Variants in ENTPD7 observed in about 807,000 individuals in gnomAD.
ENTPD7 encodes NTPDase 7.
ENTPD7 carries 53 observed loss-of-function variants against 77.9 expected under a neutral mutation model. The ratio of observed to expected loss-of-function variants is 0.68; its 90% CI spans 0.55 to 0.85. The LOEUF is 0.85. Among genes scored for constraint, ENTPD7 ranks in the 40% least tolerant of loss-of-function variants. The pLI is 0.00. For synonymous variants in ENTPD7, 248 were observed against 274.9 expected, an observed-to-expected ratio of 0.90 and a Z score of 0.97; for missense variants, 636 against 743.7, an observed-to-expected ratio of 0.86 and a Z score of 1.68.
At chr10:99,686,358 C>T (rs908834843) in intron 6 of ENTPD7, among the ~76,000 whole-genome samples, 2 of 152,044 alleles carry the variant, frequency 1.3e-5, no homozygotes, top group Non-Finnish European at 2.9e-5. Context: ...ATTGATAATT[C>T]CCTGGAATCT....
chr10:99,664,648 A>T (rs1478426114), intron 3 of ENTPD7, among the ~76,000 whole-genome samples: 1 of 150,222 alleles, frequency 6.7e-6, no homozygotes, highest in Non-Finnish European at 1.5e-5. Context: ...ATGGGGTTTC[A>T]CTGTGTTAGC....
chr10:99,659,623 A>T lies in ENTPD7; in HGVS notation c.-96+35A>T, dbSNP rs3740080. The stretch of plus-strand genomic sequence containing the variant: ...GGCGCGAGAGGGCTGTGGGACCCGG[A>T]GGGACGGGGAGAGGAAGCGGGACCC... On this transcript the variant is annotated intron_variant, in intron 1 of 12. Coordinates refer to ENST00000370489, the MANE Select transcript of ENTPD7 (RefSeq NM_020354.5). The surrounding 1 kb of genome is among the most constrained non-coding windows in gnomAD (Gnocchi z 4.1). 0.43 allele frequency: 95,749 copies of T among 222,180 alleles called. 21,627 individuals carry two copies. The highest frequency in any genetic ancestry group is 0.63 in the Middle Eastern group (427 of 680). The allele number at this position is 222,180 out of a possible 1,614,324, so 13.8% of individuals were successfully genotyped here. A position where few individuals can be genotyped will look rare whatever the true frequency, so the allele number is the denominator to read the frequency against.
intron 3 of ENTPD7, among the ~76,000 whole-genome samples, chr10:99,669,738 T>TG (rs1554835534): frequency 1.7e-5 from 2 of 119,176 alleles, no homozygotes; most frequent in South Asian, 2.9e-4. Context: ...GTTAGATGTG[T>TG]GGTTTTTTTT....
intron 3 of ENTPD7, 72 bp downstream of exon 3, chr10:99,661,700 T>C (rs1038786691): frequency 4.5e-6 from 6 of 1,326,686 alleles, no homozygotes; most frequent in African/African-American, 1.5e-5. Flanking sequence ...CTACTGACTT[T>C]GACCCTTTTG....
chr10:99,666,407 C>T (rs1184737561), intron 3 of ENTPD7, among the ~76,000 whole-genome samples: 2 of 152,088 alleles, frequency 1.3e-5, no homozygotes, highest in Admixed American at 6.6e-5. Context: ...CGGGGTTTCA[C>T]CATGTTGGCC....
chr10:99,666,690 T>G (rs2035554558), intron 3 of ENTPD7, among the ~76,000 whole-genome samples: 2 of 152,244 alleles, frequency 1.3e-5, no homozygotes, highest in African/African-American at 4.8e-5. Context: ...ACAAATGTCA[T>G]AGCTTAGCCT....
In ENTPD7 at chr10:99,706,723, C is replaced by A. The variant is rs1384388153; in HGVS notation, c.*2040C>A. On this transcript the variant is annotated 3_prime_UTR_variant, in exon 13 of 13. Transcript: ENST00000370489. ...TTTTAAGACTTCTACATTGCTTTTT[C>A]TTTTATTATCTGTGCTCCGTGAACC... 6.6e-6 allele frequency among the ~76,000 whole-genome samples: 1 copy of A among 152,016 alleles called. No individual in the cohort carries two copies. Among genetic ancestry groups the A allele is most frequent in the African/African-American group, 2.4e-5 (1 of 41,420 alleles).
At chr10:99,679,943 C>G in intron 5 of ENTPD7, 68 bp downstream of exon 5, 1 of 1,530,142 alleles carries the variant, frequency 6.5e-7, no homozygotes, top group Non-Finnish European at 8.8e-7. Context: ...GTTTCATGCA[C>G]TGTCCTCTGT....
Position 99,710,259 on chromosome 10 carries a change from C to G in ENTPD7, c.*5576C>G. 1.0e-6 allele frequency: 1 copy of G among 985,406 alleles called. No individual in the cohort carries two copies. The highest frequency in any genetic ancestry group is 1.7e-5 in the African/African-American group (1 of 57,358). 61.0% of individuals were successfully genotyped at this position (985,406 alleles called of 1,614,324 possible). On this transcript the variant is annotated 3_prime_UTR_variant, in exon 13 of 13. Transcript: ENST00000370489. Reference sequence around the variant, plus strand: ...CCTTACTAGCTTCATAAATGTTTTTCTGCAAGCAGGGATCCCAGACACATA... The same window carrying G: ...CCTTACTAGCTTCATAAATGTTTTTGTGCAAGCAGGGATCCCAGACACATA...
At chr10:99,691,970 G>A (rs1421106851) in intron 8 of ENTPD7, among the ~76,000 whole-genome samples, 1 of 152,132 alleles carries the variant, frequency 6.6e-6, no homozygotes, top group Non-Finnish European at 1.5e-5. Flanking sequence ...TACCCCACTA[G>A]AATGTAAAGA....
In ENTPD7 at chr10:99,709,633, T is replaced by C. The variant is rs2036322853; in HGVS notation, c.*4950T>C. On this transcript the variant is annotated 3_prime_UTR_variant, in exon 13 of 13. Transcript: ENST00000370489. ...GTTCTTGGCTCATTCTCTCATAACC[T>C]GGATCTAAGTTGGAAAGCTGTGGCA... The C allele has an allele frequency of 2.0e-6, 2 of 985,328 alleles. No individual in the cohort carries two copies. Among genetic ancestry groups the C allele is most frequent in the Non-Finnish European group, 2.4e-6 (2 of 829,946 alleles). The allele number at this position is 985,328 out of a possible 1,614,324, so 61.0% of individuals were successfully genotyped here. A position where few individuals can be genotyped will look rare whatever the true frequency, so the allele number is the denominator to read the frequency against.
chr10:99,701,121 A>T (rs1430025785), intron 11 of ENTPD7, 63 bp downstream of exon 11: 2 of 1,288,086 alleles, frequency 1.6e-6, no homozygotes, highest in Non-Finnish European at 2.3e-6. Context: ...ATTATAATGG[A>T]GAGTGAGCAA....
At chr10:99,702,703 T>G in intron 12 of ENTPD7, 30 bp downstream of exon 12, 1 of 1,579,544 alleles carries the variant, frequency 6.3e-7, no homozygotes, top group Non-Finnish European at 8.6e-7. Context: ...TCTGGTATCT[T>G]GAGCTCAGAG....
At chr10:99,661,237 A>G (rs897321619) in intron 2 of ENTPD7, among the ~76,000 whole-genome samples, 11 of 152,204 alleles carry the variant, frequency 7.2e-5, no homozygotes, top group Middle Eastern at 3.2e-3. Context: ...CTCAAAGTGC[A>G]GTTTGGAAAA....
chr10:99,661,360 A>G, intron 2 of ENTPD7, 86 bp from the exon 3 acceptor site: 2 of 1,229,426 alleles, frequency 1.6e-6, no homozygotes, highest in East Asian at 2.5e-5. Flanking sequence ...TGCCTTTATT[A>G]GGAGGGTTTT....
rs2035728489 is a variant in ENTPD7 at position 99,679,744 on chromosome 10, C to T, written c.417C>T (p.Asp139=). The change falls in exon 5 of 13, where the codon GAC becomes GAT. Residue 139 remains aspartate, a synonymous_variant. Coordinates refer to ENST00000370489, the MANE Select transcript of ENTPD7 (RefSeq NM_020354.5). ...CTTAAGGAATCTCTGCAATGGCAGA[C>T]ACTCCAGAACATGCCAGTGATTACC... ...KIKPGISAMA[D]TPEHASDYLR... is the part of the protein sequence containing the mutation. The T allele has an allele frequency of 1.2e-6, 2 of 1,608,780 alleles. No homozygotes were observed. Among genetic ancestry groups the T allele is most frequent in the Non-Finnish European group, 1.7e-6 (2 of 1,178,652 alleles).
intron 5 of ENTPD7, among the ~76,000 whole-genome samples, chr10:99,681,021 C>T (rs934900252): frequency 1.3e-5 from 2 of 152,212 alleles, no homozygotes; most frequent in Non-Finnish European, 2.9e-5. Context: ...TGTTCATCCA[C>T]CTTGTCACAT....
intron 4 of ENTPD7, 58 bp downstream of exon 4, chr10:99,679,524 AAAG>A (rs2035725591): frequency 1.3e-6 from 2 of 1,519,874 alleles, no homozygotes; most frequent in African/African-American, 1.4e-5. Flanking sequence ...AGAGGAGACA[AAAG>A]AAGCAGAAAG....
chr10:99,689,080 C>A (rs1435374571), intron 7 of ENTPD7, among the ~76,000 whole-genome samples: 1 of 151,814 alleles, frequency 6.6e-6, no homozygotes, highest in Non-Finnish European at 1.5e-5. Context: ...AAAAAGCAAA[C>A]CCCAGACATG....
Sources: allele counts gnomAD v4.1 joint callset (sites outside exome capture counted in the v4.1 genomes callset), GRCh38; gene constraint gnomAD v4.1.1; non-coding constraint Gnocchi (gnomAD v3.1); transcripts MANE v1.5; gene names NCBI Gene and HGNC (gene_info 2026-07-23, HGNC 2026-07-21).